The following SLC41A2 variants were observed in gnomAD, a reference collection of about 807,000 sequenced individuals.
SLC41A2 encodes SLC41A1-like 1.
Under a neutral mutation model 58.3 loss-of-function variants are expected in SLC41A2, and 32 were observed. The observed-to-expected ratio is 0.55, with a 90% CI of 0.41 to 0.74. SLC41A2 has a LOEUF of 0.74. Ranked by LOEUF, SLC41A2 falls within the 30% of genes least tolerant of loss-of-function variation. SLC41A2 has a pLI of 0.00. For synonymous variants in SLC41A2, 190 were observed against 235.0 expected (o/e 0.81, Z 1.75); for missense variants, 514 against 680.6 (o/e 0.76, Z 2.72).
rs1566081915 is a variant in SLC41A2 at position 104,803,397 on chromosome 12, T to A, written c.*1755A>T. The stretch of plus-strand genomic sequence containing the variant: ...AGTTCAGTTCTCTGCCTTAAAAGTT[T>A]TATTATAAGGCAGAAGAATGGAATA... On this transcript the variant is annotated 3_prime_UTR_variant, in exon 11 of 11. Transcript: ENST00000258538. 1 of 152,134 alleles carries A rather than the reference T, an allele frequency of 6.6e-6. No homozygotes were observed. Among genetic ancestry groups the A allele is most frequent in the Non-Finnish European group, 1.5e-5 (1 of 67,998 alleles). The allele number at this position is 152,134 out of a possible 1,614,324, so 9.4% of individuals were successfully genotyped here.
At chr12:104,863,213 G>A (rs1208436918) in intron 7 of SLC41A2, among the ~76,000 whole-genome samples, 1 of 152,182 alleles carries the variant, frequency 6.6e-6, no homozygotes, top group Non-Finnish European at 1.5e-5. Context: ...CGAAGTGAGA[G>A]GACTGCTTGA....
rs996559993 is a variant in SLC41A2, at chr12:104,804,025, C to T, written c.*1127G>A. The T allele has an allele frequency of 6.6e-6, 1 of 150,864 alleles. No homozygotes were observed. Among genetic ancestry groups the T allele is most frequent in the Non-Finnish European group, 1.5e-5 (1 of 67,808 alleles). The allele number at this position is 150,864 out of a possible 1,614,324, so 9.3% of individuals were successfully genotyped here. On this transcript the variant is annotated 3_prime_UTR_variant, in exon 11 of 11. Coordinates refer to ENST00000258538, the MANE Select transcript of SLC41A2 (RefSeq NM_001352171.3). ...GGGCGTTGTGGCGCATTCCTGTAAT[C>T]CCAGCTACTCGGGAGGCTGAGGCAG...
intron 1 of SLC41A2, among the ~76,000 whole-genome samples, chr12:104,941,040 C>A (rs1287378902): frequency 6.6e-6 from 1 of 151,692 alleles, no homozygotes; most frequent in Non-Finnish European, 1.5e-5. Flanking sequence ...ACATAGGTTT[C>A]ATTTAGGGAA....
At position 104,875,355 on chromosome 12, in the gene SLC41A2, T is replaced by TC. The variant is rs1295444133; in HGVS notation, c.1028-8777dup. 4.6e-5 allele frequency among the ~76,000 whole-genome samples: 7 copies of TC among 152,318 alleles called. No homozygotes were observed. The East Asian group carries it at 7.7e-4, about 17-fold the overall frequency. ...TCTCACTATGTTGCCCAGGCAGGAC[T>TC]CCAACTCCCAGGCTCAAGTGATCCT... is the stretch of plus-strand genomic sequence containing the variant. On this transcript the variant is annotated intron_variant, in intron 6 of 10. Coordinates refer to ENST00000258538, the MANE Select transcript of SLC41A2 (RefSeq NM_001352171.3).
chr12:104,937,477 C>T (rs182840074), intron 1 of SLC41A2, among the ~76,000 whole-genome samples: 15 of 152,266 alleles, frequency 9.9e-5, no homozygotes, highest in East Asian at 3.9e-4. Flanking sequence ...CTGTATAACA[C>T]GTTACTGTAC....
In SLC41A2 at chr12:104,829,553, A is replaced by G. The variant is rs543729185; in HGVS notation, c.1536+14919T>C. Among the ~76,000 whole-genome samples, 17 of 152,142 alleles carry G rather than the reference A, an allele frequency of 1.1e-4. No homozygotes were observed. In the East Asian group the frequency reaches 3.3e-3, roughly 29 times the overall value. On this transcript the variant is annotated intron_variant, in intron 10 of 10. Transcript: ENST00000258538. ...TTTGGAGGTGAAGGTAATATTCTGT[A>G]TGTTGATTATGGTAGTCATTACATG...
chr12:104,878,559 A>G (rs1172842437), intron 6 of SLC41A2, among the ~76,000 whole-genome samples: 2 of 150,954 alleles, frequency 1.3e-5, no homozygotes, highest in East Asian at 1.9e-4. Flanking sequence ...GAGAACATGC[A>G]GTGTTTGGTT....
intron 1 of SLC41A2, among the ~76,000 whole-genome samples, chr12:104,939,896 C>G (rs2047432834): frequency 6.6e-6 from 1 of 152,110 alleles, no homozygotes; most frequent in South Asian, 2.1e-4. Flanking sequence ...ACAGACACAC[C>G]TAGAAATAGA....
intron 10 of SLC41A2, among the ~76,000 whole-genome samples, chr12:104,837,287 TAC>T (rs1338768172): frequency 1.3e-5 from 2 of 152,194 alleles, no homozygotes; most frequent in Non-Finnish European, 2.9e-5. Context: ...GGGGCACCCG[TAC>T]ACATGAAATA....
intron 1 of SLC41A2, among the ~76,000 whole-genome samples, chr12:104,943,539 A>G (rs2047591906): frequency 6.6e-6 from 1 of 152,216 alleles, no homozygotes; most frequent in South Asian, 2.1e-4. Flanking sequence ...AAGATCTACC[A>G]CGGACCCCTG....
intron 8 of SLC41A2, among the ~76,000 whole-genome samples, chr12:104,850,844 A>C (rs1303342523): frequency 6.6e-6 from 1 of 152,268 alleles, no homozygotes; most frequent in Admixed American, 6.5e-5. Flanking sequence ...GAGTTCTGAA[A>C]AAAATTCTAA....
chr12:104,818,823 G>A (rs1041593631), intron 10 of SLC41A2, among the ~76,000 whole-genome samples: 9 of 152,110 alleles, frequency 5.9e-5, no homozygotes, highest in African/African-American at 2.2e-4. Flanking sequence ...GTTGCAGTAA[G>A]CCAAGATTGT....
intron 10 of SLC41A2, among the ~76,000 whole-genome samples, chr12:104,807,971 A>T (rs2040990167): frequency 6.6e-6 from 1 of 152,216 alleles, no homozygotes; most frequent in African/African-American, 2.4e-5. Flanking sequence ...TTGGGCTGAG[A>T]CGATGGGGTT....
chr12:104,851,762 A>G (rs1479415289), intron 8 of SLC41A2: 1 of 152,156 alleles, frequency 6.6e-6, no homozygotes, highest in Non-Finnish European at 1.5e-5. Flanking sequence ...GTTAGAGGTG[A>G]CTATCTTTTT....
Position 104,804,913 on chromosome 12 carries a change from TTATATC to T in SLC41A2, c.*233_*238del, listed in dbSNP as rs2040837373. The T allele has an allele frequency of 6.6e-6, 2 of 302,676 alleles. No individual in the cohort carries two copies. Among genetic ancestry groups the T allele is most frequent in the Non-Finnish European group, 1.2e-5 (2 of 164,618 alleles). 18.7% of individuals were successfully genotyped at this position (302,676 alleles called of 1,614,324 possible). ...TCCTAATTAATTTCAGAGCTGGAAC[TTATATC>T]TATGTCTATGTCAAATTATCATTTA... On this transcript the variant is annotated 3_prime_UTR_variant, in exon 11 of 11. Transcript: ENST00000258538.
intron 10 of SLC41A2, among the ~76,000 whole-genome samples, chr12:104,822,287 C>A (rs1450273230): frequency 6.6e-6 from 1 of 152,166 alleles, no homozygotes; most frequent in South Asian, 2.1e-4. Context: ...AGGCCCTGTA[C>A]AACTTATGTG....
At chr12:104,819,878 T>A (rs1336852869) in intron 10 of SLC41A2, among the ~76,000 whole-genome samples, 1 of 152,220 alleles carries the variant, frequency 6.6e-6, no homozygotes, top group African/African-American at 2.4e-5. Context: ...TTAGTAGGTA[T>A]GAGTTTTCAC....
chr12:104,869,886 A>G (rs1453909284), intron 6 of SLC41A2, among the ~76,000 whole-genome samples: 1 of 152,236 alleles, frequency 6.6e-6, no homozygotes, highest in Non-Finnish European at 1.5e-5. Context: ...TTAAAGGCCA[A>G]CTATGAACTT....
At position 104,889,126 on chromosome 12, in the gene SLC41A2, C is replaced by A; in HGVS notation, c.787G>T (p.Gly263Cys). ...TAATATTTTCCTTCTGGAATCCAGC[C>A]CAATATAATTGCTGCCACAGCTGCT... Reference protein sequence around the residue: ...FLAAVAAIILGWIPEGKYYLD... With the variant: ...FLAAVAAIILCWIPEGKYYLD... The change falls in exon 5 of 11, where the codon GGC becomes TGC. Residue 263 changes from glycine to cysteine, a missense_variant. Coordinates refer to ENST00000258538, the MANE Select transcript of SLC41A2 (RefSeq NM_001352171.3). 6.2e-7 allele frequency: 1 copy of A among 1,611,168 alleles called. No homozygotes were observed. The highest frequency in any genetic ancestry group is 1.1e-5 in the South Asian group (1 of 90,198).
Sources: gnomAD v4.1 joint callset for allele counts (sites outside exome capture counted in the v4.1 genomes callset) on GRCh38, gnomAD v4.1.1 for gene constraint, MANE v1.5 for transcripts, NCBI Gene and HGNC (gene_info 2026-07-23, HGNC 2026-07-21) for gene names.